Variants in MCTP2 observed in about 807,000 individuals in gnomAD.
MCTP2 encodes multiple C2 and transmembrane domain-containing protein 2.
In MCTP2, 132 loss-of-function variants were observed where a neutral mutation model predicts 111.6. The observed-to-expected ratio is 1.18, with a 90% CI of 1.03 to 1.37. MCTP2 has a LOEUF of 1.37. Among genes scored for constraint, MCTP2 ranks in the 40% most tolerant of loss-of-function variants. The probability of loss-of-function intolerance (pLI) is 0.00; values close to 1 mark genes in which losing one functional copy is unlikely to be tolerated. For missense variants in MCTP2, 1,183 were observed against 1,067.9 expected, an observed-to-expected ratio of 1.11 and a Z score of -1.50; for synonymous variants, 395 against 387.7, an observed-to-expected ratio of 1.02 and a Z score of -0.22.
intron 4 of MCTP2, among the ~76,000 whole-genome samples, chr15:94,320,075 G>A (rs1341127379): frequency 1.3e-5 from 2 of 151,854 alleles, no homozygotes; most frequent in Non-Finnish European, 2.9e-5. Flanking sequence ...TCCTTAATTG[G>A]GGAAATGACT....
intron 10 of MCTP2, among the ~76,000 whole-genome samples, chr15:94,363,152 G>A (rs1168867888): frequency 3.9e-5 from 6 of 152,132 alleles, no homozygotes; most frequent in African/African-American, 7.2e-5. Flanking sequence ...TTGTTACGGC[G>A]CTGACATTCA....
chr15:94,373,981 C>A (rs3784653), intron 12 of MCTP2, among the ~76,000 whole-genome samples: 9,703 of 152,228 alleles, frequency 0.064, 500 homozygotes, highest in South Asian at 0.1. Flanking sequence ...CTTCACTCAG[C>A]TACTGCTAGT....
At chr15:94,443,984 A>G (rs905299092) in intron 19 of MCTP2, among the ~76,000 whole-genome samples, 87 of 126,198 alleles carry the variant, frequency 6.9e-4, no homozygotes, top group African/African-American at 2.3e-3. Flanking sequence ...ATTTTACCAA[A>G]AAAAAAAAAA....
chr15:94,479,280 C>CG lies in MCTP2; in HGVS notation c.*246_*247insG. The stretch of plus-strand genomic sequence containing the variant: ...GCAACAACCCCAAGACTGTGAAAGA[C>CG]TAACATCCATTCTGAAATAGGAGAT... On this transcript the variant is annotated 3_prime_UTR_variant, in exon 23 of 23. Coordinates refer to ENST00000357742, the MANE Select transcript of MCTP2 (RefSeq NM_001385001.1). 1 of 519,196 alleles carries CG rather than the reference C, an allele frequency of 1.9e-6. No homozygotes were observed. Among genetic ancestry groups the CG allele is most frequent in the Non-Finnish European group, 3.5e-6 (1 of 288,610 alleles). 32.2% of individuals were successfully genotyped at this position (519,196 alleles called of 1,614,324 possible). A position where few individuals can be genotyped will look rare whatever the true frequency, so the allele number is the denominator to read the frequency against.
chr15:94,453,193 G>T (rs2084576713), intron 19 of MCTP2, among the ~76,000 whole-genome samples: 1 of 152,124 alleles, frequency 6.6e-6, no homozygotes, highest in African/African-American at 2.4e-5. Flanking sequence ...TGTTTCTGTG[G>T]TCATTACTGG....
chr15:94,327,459 C>G (rs1264696287), intron 4 of MCTP2, among the ~76,000 whole-genome samples: 1 of 152,212 alleles, frequency 6.6e-6, no homozygotes, highest in Non-Finnish European at 1.5e-5. Flanking sequence ...CAGCTCCACA[C>G]CAGAGTTTTA....
rs796149805 is a variant in MCTP2, at chr15:94,244,486, A to T, written c.-66+12822A>T. Among the ~76,000 whole-genome samples the T allele has an allele frequency of 4.5e-3, 643 of 144,208 alleles. 8 individuals are homozygous for T. The highest frequency in any genetic ancestry group is 0.016 in the African/African-American group (592 of 37,910). The allele number at this position is 144,208 out of a possible 152,430, so 94.6% of individuals were successfully genotyped here. On this transcript the variant is annotated intron_variant, in intron 1 of 22. Transcript: ENST00000357742. ...CATACATATGCACCTATGTTTATAT[A>T]CGTATATGTATACACATACATATGC...
At chr15:94,358,910 C>T (rs2078773323) in intron 10 of MCTP2, among the ~76,000 whole-genome samples, 1 of 152,096 alleles carries the variant, frequency 6.6e-6, no homozygotes, top group Admixed American at 6.6e-5. Flanking sequence ...CCAATATACG[C>T]TATAATTTTG....
intron 4 of MCTP2, among the ~76,000 whole-genome samples, chr15:94,324,473 C>G (rs1297889997): frequency 3.9e-5 from 6 of 152,204 alleles, no homozygotes; most frequent in Admixed American, 3.9e-4. Flanking sequence ...TGTCACATTA[C>G]TAGGGCCGTG....
intron 1 of MCTP2, among the ~76,000 whole-genome samples, chr15:94,246,235 G>A (rs2071996853): frequency 6.6e-6 from 1 of 152,172 alleles, no homozygotes. Context: ...AGGACAGGTG[G>A]CTTAAAGGTC....
At chr15:94,450,895 G>T (rs997207397) in intron 19 of MCTP2, among the ~76,000 whole-genome samples, 2 of 152,152 alleles carry the variant, frequency 1.3e-5, no homozygotes, top group African/African-American at 2.4e-5. Context: ...GAGATTTAAA[G>T]TAACACCCTG....
intron 1 of MCTP2, among the ~76,000 whole-genome samples, chr15:94,266,639 A>G (rs2073552611): frequency 6.6e-6 from 1 of 152,328 alleles, no homozygotes; most frequent in African/African-American, 2.4e-5. Context: ...GTTGGGCGGT[A>G]GGTGAACAGC....
chr15:94,318,433 A>G (rs1270857108), intron 4 of MCTP2, among the ~76,000 whole-genome samples: 3 of 152,046 alleles, frequency 2.0e-5, no homozygotes, highest in Admixed American at 6.6e-5. Context: ...ACAGGCACGC[A>G]CCACCATGTC....
chr15:94,422,367 T>G (rs2082667135), intron 17 of MCTP2, among the ~76,000 whole-genome samples: 1 of 152,088 alleles, frequency 6.6e-6, no homozygotes, highest in Non-Finnish European at 1.5e-5. Context: ...GGGCACTAAA[T>G]CCATGGTGTT....
chr15:94,308,768 A>G (rs900075496), intron 2 of MCTP2, among the ~76,000 whole-genome samples: 3 of 152,146 alleles, frequency 2.0e-5, no homozygotes, highest in African/African-American at 7.2e-5. Flanking sequence ...TGTCACAACT[A>G]CTCAAGGTGA....
chr15:94,425,822 A>G (rs936589479), intron 17 of MCTP2, among the ~76,000 whole-genome samples: 4 of 152,160 alleles, frequency 2.6e-5, no homozygotes, highest in Non-Finnish European at 1.5e-5. Flanking sequence ...AAGTTGCAAA[A>G]GAGACTTAAA....
At chr15:94,235,412 CTG>C (rs2070472655) in intron 1 of MCTP2, among the ~76,000 whole-genome samples, 1 of 152,126 alleles carries the variant, frequency 6.6e-6, no homozygotes. Context: ...GCACAGTAAT[CTG>C]TGCTTTAAGA....
At chr15:94,469,377 A>C (rs2073714694) in intron 20 of MCTP2, among the ~76,000 whole-genome samples, 1 of 152,256 alleles carries the variant, frequency 6.6e-6, no homozygotes, top group Admixed American at 6.5e-5. Flanking sequence ...GGCAATAGAT[A>C]CAACAAAAGG....
chr15:94,423,850 G>A (rs1159656256), intron 17 of MCTP2, among the ~76,000 whole-genome samples: 1 of 152,198 alleles, frequency 6.6e-6, no homozygotes, highest in African/African-American at 2.4e-5. Context: ...ACATGTACAA[G>A]GGAGTTTGTA....
Sources: gnomAD v4.1 joint callset for allele counts (sites outside exome capture counted in the v4.1 genomes callset) on GRCh38, gnomAD v4.1.1 for gene constraint, MANE v1.5 for transcripts, NCBI Gene and HGNC (gene_info 2026-07-23, HGNC 2026-07-21) for gene names.